The following FOXO3 variants were observed in gnomAD, a reference collection of about 807,000 sequenced individuals.
The protein encoded by FOXO3 is forkhead box O3.
In FOXO3, 4 loss-of-function variants were observed where a neutral mutation model predicts 41.9. The observed-to-expected ratio is 0.10, with a 90% confidence interval of 0.05 to 0.22. The LOEUF (loss-of-function observed/expected upper bound fraction) is 0.22, where lower values mean the gene tolerates loss of function less well. Among genes scored for constraint, FOXO3 ranks in the 10% least tolerant of loss-of-function variants. The pLI is 1.00. For synonymous variants in FOXO3, 318 were observed against 389.3 expected (o/e 0.82, Z 2.16); for missense variants, 534 against 906.8 (o/e 0.59, Z 5.28).
intron 1 of FOXO3, among the ~76,000 whole-genome samples, chr6:108,573,783 C>T (rs2033003092): frequency 6.6e-6 from 1 of 151,812 alleles, no homozygotes; most frequent in African/African-American, 2.4e-5. Context: ...GAGCCAAGAT[C>T]ACACCATTTT....
intron 1 of FOXO3, among the ~76,000 whole-genome samples, chr6:108,649,318 A>G (rs1778483780): frequency 1.3e-5 from 2 of 152,060 alleles, no homozygotes; most frequent in South Asian, 2.1e-4. Flanking sequence ...CACTATGACT[A>G]CCTTTCAAGG....
At chr6:108,616,401 T>A (rs1777515745) in intron 1 of FOXO3, among the ~76,000 whole-genome samples, 1 of 151,996 alleles carries the variant, frequency 6.6e-6, no homozygotes, top group Admixed American at 6.6e-5. Flanking sequence ...GACCTTGTGA[T>A]CCACCCGCCT....
At chr6:108,665,032 A>G (rs1582830796) in intron 2 of FOXO3, 143 bp downstream of exon 2, 1 of 940,470 alleles carries the variant, frequency 1.1e-6, no homozygotes, top group Non-Finnish European at 1.6e-6. Flanking sequence ...GCTCCCAGCC[A>G]GTTCCATCTC....
chr6:108,585,233 CG>C (rs1776547323), intron 1 of FOXO3, among the ~76,000 whole-genome samples: 1 of 151,786 alleles, frequency 6.6e-6, no homozygotes, highest in Non-Finnish European at 1.5e-5. Flanking sequence ...TTAGTAGAGA[CG>C]GGGTTTCACC....
rs532108202 is a variant in FOXO3 at position 108,681,948 on chromosome 6, G to A, written c.*2156G>A. 2.0e-5 allele frequency: 3 copies of A among 152,318 alleles called. No individual in the cohort carries two copies. Among genetic ancestry groups the A allele is most frequent in the South Asian group, 2.1e-4 (1 of 4,820 alleles). 9.4% of individuals were successfully genotyped at this position (152,318 alleles called of 1,614,324 possible). On this transcript the variant is annotated 3_prime_UTR_variant, in exon 3 of 3. Coordinates refer to ENST00000406360, the MANE Select transcript of FOXO3 (RefSeq NM_001455.4). ...CCTAAGGGATGCTGCCCTGTGTGGGGATGCATTGCAGAGGCACTAGTAGCA... is the reference window on the plus strand; with the variant it reads ...CCTAAGGGATGCTGCCCTGTGTGGGAATGCATTGCAGAGGCACTAGTAGCA...
At chr6:108,597,032 G>A (rs1776905506) in intron 1 of FOXO3, among the ~76,000 whole-genome samples, 2 of 152,196 alleles carry the variant, frequency 1.3e-5, no homozygotes, top group South Asian at 4.1e-4. Context: ...ACAATAAGCA[G>A]AGAAAATCCC....
intron 1 of FOXO3, among the ~76,000 whole-genome samples, chr6:108,641,772 G>C (rs1055629378): frequency 1.3e-5 from 2 of 151,932 alleles, no homozygotes; most frequent in African/African-American, 4.8e-5. Flanking sequence ...TGTATGTGGA[G>C]GGCTAGAATT....
intron 1 of FOXO3, among the ~76,000 whole-genome samples, chr6:108,569,059 A>G (rs975335991): frequency 6.6e-6 from 1 of 152,246 alleles, no homozygotes. Context: ...ACTTTTAGGA[A>G]CAAAGCTGTT....
At chr6:108,612,895 A>C (rs1176362699) in intron 1 of FOXO3, among the ~76,000 whole-genome samples, 1 of 152,154 alleles carries the variant, frequency 6.6e-6, no homozygotes, top group Non-Finnish European at 1.5e-5. Context: ...AGTTTGTCAC[A>C]TATTTCCTTT....
intron 1 of FOXO3, 135 bp from the exon 2 acceptor site, chr6:108,663,320 A>C: frequency 1.5e-6 from 2 of 1,350,674 alleles, no homozygotes; most frequent in African/African-American, 3.0e-5. Context: ...GCATTCCAGC[A>C]TGGGCAGCAG....
chr6:108,644,953 A>G (rs1182755225), intron 1 of FOXO3, among the ~76,000 whole-genome samples: 1 of 152,234 alleles, frequency 6.6e-6, no homozygotes, highest in Non-Finnish European at 1.5e-5. Context: ...GAATGAGACC[A>G]GGGACCATGT....
chr6:108,642,274 A>G (rs1582807536), intron 1 of FOXO3, among the ~76,000 whole-genome samples: 3 of 152,132 alleles, frequency 2.0e-5, no homozygotes, highest in Admixed American at 2.0e-4. Context: ...ATTTTTTTGT[A>G]GAAATGAGGT....
intron 1 of FOXO3, among the ~76,000 whole-genome samples, chr6:108,603,567 G>A (rs896880705): frequency 2.7e-4 from 41 of 151,948 alleles, no homozygotes; most frequent in Non-Finnish European, 4.7e-4. Flanking sequence ...GAAAATTTAC[G>A]CACATTTTGG....
At chr6:108,616,470 T>C (rs1289944293) in intron 1 of FOXO3, among the ~76,000 whole-genome samples, 1 of 152,048 alleles carries the variant, frequency 6.6e-6, no homozygotes, top group East Asian at 1.9e-4. Context: ...CCAATGTTTG[T>C]ATTTTTTAGT....
At chr6:108,592,711 C>A (rs909191924) in intron 1 of FOXO3, among the ~76,000 whole-genome samples, 1 of 152,144 alleles carries the variant, frequency 6.6e-6, no homozygotes, top group Non-Finnish European at 1.5e-5. Context: ...GTCCAAGCTT[C>A]TGTGCGAATA....
Position 108,644,293 on chromosome 6 carries a change from C to T in FOXO3, c.622-19162C>T, listed in dbSNP as rs140916414. On this transcript the variant is annotated intron_variant, in intron 1 of 2. Coordinates refer to ENST00000406360, the MANE Select transcript of FOXO3 (RefSeq NM_001455.4). ...GTTGTGAAGACTTACAGAGATAGTA[C>T]GTATGAAACACTTAGAACAGTGTTT... is the stretch of plus-strand genomic sequence containing the variant. Among the ~76,000 whole-genome samples the T allele has an allele frequency of 9.5e-4, 144 of 152,300 alleles. 1 individual carries two copies. Among genetic ancestry groups the T allele is most frequent in the South Asian group, 8.7e-3 (42 of 4,824 alleles).
At chr6:108,652,347 T>A (rs1400294047) in intron 1 of FOXO3, among the ~76,000 whole-genome samples, 1 of 152,264 alleles carries the variant, frequency 6.6e-6, no homozygotes, top group Non-Finnish European at 1.5e-5. Flanking sequence ...TGGGCAGATG[T>A]GGCTCCAACA....
chr6:108,576,169 C>G (rs1166705702), intron 1 of FOXO3, among the ~76,000 whole-genome samples: 1 of 152,164 alleles, frequency 6.6e-6, no homozygotes, highest in Non-Finnish European at 1.5e-5. Context: ...TTACAGCCTT[C>G]TTTTTGAATA....
rs1775762699 is a variant in FOXO3, at chr6:108,560,924, G to T, written c.-285G>T. On this transcript the variant is annotated 5_prime_UTR_variant, in exon 1 of 3. Coordinates refer to ENST00000406360, the MANE Select transcript of FOXO3 (RefSeq NM_001455.4). ...GCGGCCTGGCCGGGGGGCGGTGTCT[G>T]CTGCGCCAGGTTCGCTGGCCGCACG... is the stretch of plus-strand genomic sequence containing the variant. 1 of 1,271,120 alleles carries T rather than the reference G, an allele frequency of 7.9e-7. No individual in the cohort carries two copies. The highest frequency in any genetic ancestry group is 1.0e-6 in the Non-Finnish European group (1 of 1,002,432). The allele number at this position is 1,271,120 out of a possible 1,614,324, so 78.7% of individuals were successfully genotyped here.
Sources: allele counts gnomAD v4.1 joint callset (sites outside exome capture counted in the v4.1 genomes callset), GRCh38; gene constraint gnomAD v4.1.1; transcripts MANE v1.5; gene names NCBI Gene and HGNC (gene_info 2026-07-23, HGNC 2026-07-21).